The following DPYD variants were observed in gnomAD, a reference collection of about 807,000 sequenced individuals.
DPYD encodes the protein dihydropyrimidine dehydrogenase [NADP(+)].
Under a neutral mutation model 116.2 loss-of-function variants are expected in DPYD, and 109 were observed. The observed-to-expected ratio is 0.94, with a 90% CI of 0.80 to 1.10. The LOEUF is 1.10. DPYD is among the 50% of genes least tolerant of loss of function. The probability of loss-of-function intolerance (pLI) is 0.00; values close to 1 mark genes in which losing one functional copy is unlikely to be tolerated. For missense variants in DPYD, 1,302 were observed against 1,254.5 expected (o/e 1.04, Z -0.57); for synonymous variants, 440 against 432.0 (o/e 1.02, Z -0.23).
rs72975722 is a variant in DPYD, at chr1:97,581,850, T to C, written c.1129-7880A>G. On this transcript the variant is annotated intron_variant, in intron 10 of 22. Coordinates refer to ENST00000370192, the MANE Select transcript of DPYD (RefSeq NM_000110.4). ...TAATCACTGGAAAGGAATTAGTTACTAGGAAGTTCTTGTATGGAATCCATT... is the reference window on the plus strand; with the variant it reads ...TAATCACTGGAAAGGAATTAGTTACCAGGAAGTTCTTGTATGGAATCCATT... 2.7e-3 allele frequency among the ~76,000 whole-genome samples: 408 copies of C among 152,044 alleles called. 4 individuals carry two copies. The highest frequency in any genetic ancestry group is 9.2e-3 in the African/African-American group (383 of 41,482).
At position 97,173,109 on chromosome 1, in the gene DPYD, T is replaced by C. The variant is rs74366299; in HGVS notation, c.2622+19960A>G. The stretch of plus-strand genomic sequence containing the variant: ...TTCCACTAATAAATATCTAAACCTC[T>C]TTAACCTCAGTTTTCACCTTTGTAA... On this transcript the variant is annotated intron_variant, in intron 20 of 22. Coordinates refer to ENST00000370192, the MANE Select transcript of DPYD (RefSeq NM_000110.4). Among the ~76,000 whole-genome samples, 1,310 of 152,022 alleles carry C rather than the reference T, an allele frequency of 8.6e-3. 18 individuals are homozygous for C. Among genetic ancestry groups the C allele is most frequent in the African/African-American group, 0.03 (1,245 of 41,474 alleles).
intron 20 of DPYD, among the ~76,000 whole-genome samples, chr1:97,137,269 T>A (rs910637483): frequency 6.6e-6 from 1 of 152,220 alleles, no homozygotes; most frequent in Non-Finnish European, 1.5e-5. Flanking sequence ...CCACAATGCT[T>A]TCAGCATATT....
intron 13 of DPYD, among the ~76,000 whole-genome samples, chr1:97,513,722 T>G (rs1164775558): frequency 6.6e-6 from 1 of 151,818 alleles, no homozygotes; most frequent in African/African-American, 2.4e-5. Context: ...TTCATACTAC[T>G]GAGTTGTATA....
intron 14 of DPYD, among the ~76,000 whole-genome samples, chr1:97,406,127 T>A (rs1298828046): frequency 6.6e-6 from 1 of 151,992 alleles, no homozygotes; most frequent in Non-Finnish European, 1.5e-5. Flanking sequence ...TGGATCCTGA[T>A]GTGGTTTCCG....
intron 13 of DPYD, among the ~76,000 whole-genome samples, chr1:97,507,851 T>C (rs577013556): frequency 6.6e-6 from 1 of 152,028 alleles, no homozygotes. Flanking sequence ...ACCTACATGG[T>C]AAAAAGTCTG....
At chr1:97,560,471 T>C (rs925201258) in intron 11 of DPYD, among the ~76,000 whole-genome samples, 8 of 151,398 alleles carry the variant, frequency 5.3e-5, no homozygotes, top group Non-Finnish European at 7.4e-5. Flanking sequence ...CATAAGACAG[T>C]GTACACAAGC....
At chr1:97,295,713 G>C (rs920616627) in intron 18 of DPYD, 3 of 967,142 alleles carry the variant, frequency 3.1e-6, no homozygotes, top group East Asian at 1.1e-4. Context: ...TTCCATGTGT[G>C]AGCCATCGCT....
At chr1:97,079,168 A>G (rs749736621) in intron 22 of DPYD, 22 bp from the exon 23 acceptor site, 9 of 1,612,342 alleles carry the variant, frequency 5.6e-6, no homozygotes, top group African/African-American at 5.3e-5. Flanking sequence ...AATAGAGGGT[A>G]TTGATGTCAC....
chr1:97,449,916 C>T, intron 14 of DPYD, 143 bp downstream of exon 14: 1 of 1,049,352 alleles, frequency 9.5e-7, no homozygotes, highest in Non-Finnish European at 1.4e-6. Flanking sequence ...TCTTTTTTAT[C>T]TTTCTATGCA....
chr1:97,295,755 T>C (rs1188566899), intron 18 of DPYD: 1 of 984,074 alleles, frequency 1.0e-6, no homozygotes, highest in Admixed American at 6.2e-5. Flanking sequence ...AAATTGCCAG[T>C]GCTACTGTAA....
chr1:97,116,932 T>C (rs997543038), intron 20 of DPYD, among the ~76,000 whole-genome samples: 7 of 147,688 alleles, frequency 4.7e-5, no homozygotes, highest in African/African-American at 1.8e-4. Flanking sequence ...GTGGATCACC[T>C]GAGGTCAGGA....
chr1:97,325,173 T>C (rs987437182), intron 16 of DPYD, among the ~76,000 whole-genome samples: 1 of 152,112 alleles, frequency 6.6e-6, no homozygotes, highest in Non-Finnish European at 1.5e-5. Context: ...TAAATTTAGA[T>C]AGTTTAAAAC....
At chr1:97,190,332 T>C (rs557433638) in intron 20 of DPYD, among the ~76,000 whole-genome samples, 1 of 152,182 alleles carries the variant, frequency 6.6e-6, no homozygotes, top group South Asian at 2.1e-4. Flanking sequence ...TCTATTGCTA[T>C]TCTCTTTTTT....
At chr1:97,704,189 T>G (rs1331507574) in intron 5 of DPYD, among the ~76,000 whole-genome samples, 2 of 151,994 alleles carry the variant, frequency 1.3e-5, no homozygotes, top group Admixed American at 6.6e-5. Flanking sequence ...TATACTTCCA[T>G]GAATGTAGCC....
intron 1 of DPYD, among the ~76,000 whole-genome samples, chr1:97,919,259 G>A (rs932050290): frequency 1.3e-5 from 2 of 152,182 alleles, no homozygotes; most frequent in Admixed American, 1.3e-4. Flanking sequence ...CAGCAATCTA[G>A]ATTAAAAGTA....
chr1:97,306,422 T>C (rs771188416), intron 16 of DPYD, 125 bp from the exon 17 acceptor site: 10 of 1,299,012 alleles, frequency 7.7e-6, no homozygotes, highest in Non-Finnish European at 1.1e-5. Context: ...CTACATGATA[T>C]ATTTCTCAAA....
intron 18 of DPYD, among the ~76,000 whole-genome samples, chr1:97,286,748 C>T (rs1175023171): frequency 6.6e-5 from 10 of 152,206 alleles, no homozygotes; most frequent in African/African-American, 1.4e-4. Flanking sequence ...ACGTAGTTCT[C>T]GAGCCTTGGC....
At chr1:97,127,383 A>G (rs1464811638) in intron 20 of DPYD, among the ~76,000 whole-genome samples, 3 of 152,116 alleles carry the variant, frequency 2.0e-5, no homozygotes, top group Admixed American at 2.0e-4. Flanking sequence ...TAGGCAAAGG[A>G]GACTAGTAAA....
intron 12 of DPYD, among the ~76,000 whole-genome samples, chr1:97,529,780 TC>T (rs1434148954): frequency 6.7e-6 from 1 of 148,506 alleles, no homozygotes; most frequent in African/African-American, 2.6e-5. Context: ...CTTCTTTCTT[TC>T]TCTTTTTCTT....
Sources: gnomAD v4.1 joint callset for allele counts (sites outside exome capture counted in the v4.1 genomes callset) on GRCh38, gnomAD v4.1.1 for gene constraint, MANE v1.5 for transcripts, NCBI Gene and HGNC (gene_info 2026-07-23, HGNC 2026-07-21) for gene names.